The following PEX5L variants were observed in gnomAD, a reference collection of about 807,000 sequenced individuals.
The protein encoded by PEX5L is peroxisomal biogenesis factor 5 like.
A neutral mutation model predicts 84.0 loss-of-function variants in PEX5L; 30 were observed. The observed-to-expected ratio is 0.36, with a 90% CI of 0.27 to 0.48. The LOEUF is 0.48. Ranked by LOEUF, PEX5L falls within the 20% of genes least tolerant of loss-of-function variation. The pLI is 0.99. For missense variants in PEX5L, 533 were observed against 754.6 expected (o/e 0.71, Z 3.44); for synonymous variants, 270 against 283.1 (o/e 0.95, Z 0.46).
intron 8 of PEX5L, among the ~76,000 whole-genome samples, chr3:179,850,315 C>T (rs910682984): frequency 6.6e-6 from 1 of 151,856 alleles, no homozygotes; most frequent in African/African-American, 2.4e-5. Context: ...TTAGTAGAGA[C>T]GGGGTTTCAC....
rs561993703 is a variant in PEX5L at position 179,810,926 on chromosome 3, G to A, written c.1154+875C>T. Among the ~76,000 whole-genome samples the A allele has an allele frequency of 5.9e-5, 9 of 152,292 alleles. No individual in the cohort carries two copies. The South Asian group carries it at 1.9e-3, about 32-fold the overall frequency. ...AGCTCCAGATGTGGAGTTGGGAGATGAGGGTTCAAGTTCTGTCTCTGTTAC... is the reference window on the plus strand; with the variant it reads ...AGCTCCAGATGTGGAGTTGGGAGATAAGGGTTCAAGTTCTGTCTCTGTTAC... On this transcript the variant is annotated intron_variant, in intron 11 of 14. Coordinates refer to ENST00000467460, the MANE Select transcript of PEX5L (RefSeq NM_016559.3).
intron 7 of PEX5L, among the ~76,000 whole-genome samples, chr3:179,867,681 C>T (rs972392262): frequency 5.9e-5 from 9 of 152,096 alleles, no homozygotes; most frequent in African/African-American, 1.4e-4. Context: ...TTCCTTGCCT[C>T]GCGGAGAGTA....
intron 2 of PEX5L, among the ~76,000 whole-genome samples, chr3:179,907,484 T>A (rs925726667): frequency 6.6e-6 from 1 of 152,142 alleles, no homozygotes; most frequent in African/African-American, 2.4e-5. Context: ...GGCTAATTTT[T>A]AATTTTTTTG....
chr3:179,841,739 A>G (rs1294124441), intron 8 of PEX5L, among the ~76,000 whole-genome samples: 1 of 152,204 alleles, frequency 6.6e-6, no homozygotes, highest in Non-Finnish European at 1.5e-5. Context: ...TGAACAGGTT[A>G]CTGCCTTGTT....
chr3:180,026,249 T>A (rs568506116), intron 1 of PEX5L, among the ~76,000 whole-genome samples: 2 of 151,900 alleles, frequency 1.3e-5, no homozygotes, highest in South Asian at 4.2e-4. Flanking sequence ...TTGTGCTATG[T>A]GAACTCTAAA....
At chr3:179,993,581 C>T (rs1390331457) in intron 1 of PEX5L, among the ~76,000 whole-genome samples, 1 of 152,086 alleles carries the variant, frequency 6.6e-6, no homozygotes, top group African/African-American at 2.4e-5. Context: ...CTCACTGCAG[C>T]CTCCACCTCC....
intron 7 of PEX5L, among the ~76,000 whole-genome samples, chr3:179,859,632 C>T (rs549737282): frequency 1.2e-4 from 18 of 152,278 alleles, no homozygotes; most frequent in African/African-American, 3.4e-4. Flanking sequence ...GGCCTTTCTC[C>T]GTATGTACAC....
At chr3:179,900,690 T>C (rs765746269) in intron 2 of PEX5L, 43 of 1,535,154 alleles carry the variant, frequency 2.8e-5, no homozygotes, top group South Asian at 1.9e-4. Flanking sequence ...GTCAGGTCAC[T>C]TTTTTGAAGA....
At chr3:180,024,409 G>A (rs1473459603) in intron 1 of PEX5L, among the ~76,000 whole-genome samples, 1 of 138,998 alleles carries the variant, frequency 7.2e-6, no homozygotes, top group Non-Finnish European at 1.5e-5. Context: ...GCCGTGCGTG[G>A]TGGCAGGCGC....
intron 2 of PEX5L, among the ~76,000 whole-genome samples, chr3:179,939,161 A>G (rs1399442961): frequency 2.0e-5 from 3 of 152,186 alleles, no homozygotes; most frequent in Non-Finnish European, 4.4e-5. Flanking sequence ...GACTTTCTAC[A>G]TGGTCTTCAC....
intron 1 of PEX5L, among the ~76,000 whole-genome samples, chr3:180,003,650 C>T (rs1326741165): frequency 6.6e-6 from 1 of 152,076 alleles, no homozygotes; most frequent in Non-Finnish European, 1.5e-5. Context: ...AAGTATGATA[C>T]AACCGTTCTT....
chr3:179,932,001 A>G (rs1252821805), intron 2 of PEX5L, among the ~76,000 whole-genome samples: 1 of 152,214 alleles, frequency 6.6e-6, no homozygotes, highest in Non-Finnish European at 1.5e-5. Flanking sequence ...AGAAATGTGC[A>G]AATATTTCTA....
chr3:179,913,274 G>A (rs1765816927), intron 2 of PEX5L, among the ~76,000 whole-genome samples: 3 of 152,040 alleles, frequency 2.0e-5, no homozygotes, highest in Admixed American at 6.5e-5. Flanking sequence ...TTATTTCAAA[G>A]GCTTACTTTT....
chr3:179,887,770 T>A lies in PEX5L; in HGVS notation c.213A>T (p.Gln71His). 1.2e-6 allele frequency: 2 copies of A among 1,613,094 alleles called. No individual in the cohort carries two copies. Among genetic ancestry groups the A allele is most frequent in the South Asian group, 2.2e-5 (2 of 91,050 alleles). Residue 71 changes from glutamine (Q) to histidine (H), a missense_variant, in exon 4 of 15, where the codon CAA (glutamine) becomes CAT (histidine). Transcript: ENST00000467460. ...GACTCAGGAGGGGTCTGCTTTCTTGTTGCTCATTCACCAGCTGAGAACAAA... is the reference window on the plus strand; with the variant it reads ...GACTCAGGAGGGGTCTGCTTTCTTGATGCTCATTCACCAGCTGAGAACAAA... ...LTMTSQLVNEQQESRPLLSPS... is the reference protein window; with the variant it reads ...LTMTSQLVNEHQESRPLLSPS...
intron 1 of PEX5L, chr3:179,973,968 C>T (rs555254483): frequency 3.0e-6 from 3 of 985,304 alleles, no homozygotes; most frequent in Non-Finnish European, 3.6e-6. Context: ...CCCATAACCC[C>T]GGGGGGATTA....
At chr3:179,831,674 T>TGGGAGAGGAG (rs1464156193) in intron 8 of PEX5L, among the ~76,000 whole-genome samples, 1 of 152,122 alleles carries the variant, frequency 6.6e-6, no homozygotes, top group African/African-American at 2.4e-5. Flanking sequence ...GAACCCAACC[T>TGGGAGAGGAG]AGACTTAGGA....
chr3:179,824,086 A>T (rs1729477287), intron 8 of PEX5L, among the ~76,000 whole-genome samples: 1 of 152,172 alleles, frequency 6.6e-6, no homozygotes, highest in Non-Finnish European at 1.5e-5. Context: ...GATATGAAGA[A>T]TAAGAAAAGA....
chr3:179,964,982 T>G (rs754206797), intron 2 of PEX5L, among the ~76,000 whole-genome samples: 1 of 152,254 alleles, frequency 6.6e-6, no homozygotes, highest in Non-Finnish European at 1.5e-5. Context: ...CAAACAGTTA[T>G]GACATGGCCA....
rs1174817248 is a variant in PEX5L at position 179,798,765 on chromosome 3, T to A, written c.*3063A>T. 6.6e-6 allele frequency: 1 copy of A among 152,200 alleles called. No individual in the cohort carries two copies. 9.4% of individuals were successfully genotyped at this position (152,200 alleles called of 1,614,324 possible). On this transcript the variant is annotated 3_prime_UTR_variant, in exon 15 of 15. Coordinates refer to ENST00000467460, the MANE Select transcript of PEX5L (RefSeq NM_016559.3). ...AAGAGTAATTTAAATGACAATTTCA[T>A]GCCATGAAGATAAGATGCCAAAAAT...
Sources: allele counts gnomAD v4.1 joint callset (sites outside exome capture counted in the v4.1 genomes callset), GRCh38; gene constraint gnomAD v4.1.1; transcripts MANE v1.5; gene names NCBI Gene and HGNC (gene_info 2026-07-23, HGNC 2026-07-21).